Variants in HECW2 observed in about 807,000 individuals in gnomAD.
HECW2 encodes the protein HECT, C2 and WW domain containing E3 ubiquitin protein ligase 2.
HECW2 carries 61 observed loss-of-function variants against 175.2 expected under a neutral mutation model. The ratio of observed to expected loss-of-function variants is 0.35; its 90% confidence interval spans 0.28 to 0.43. The LOEUF (loss-of-function observed/expected upper bound fraction) is 0.43, where lower values mean the gene tolerates loss of function less well. HECW2 is among the 20% of genes least tolerant of loss of function. The probability of loss-of-function intolerance (pLI) is 1.00; values close to 1 mark genes in which losing one functional copy is unlikely to be tolerated. For missense variants in HECW2, 1,524 were observed against 2,000.5 expected, an observed-to-expected ratio of 0.76 and a Z score of 4.54; for synonymous variants, 671 against 731.0, an observed-to-expected ratio of 0.92 and a Z score of 1.32.
At chr2:196,386,680 T>C (rs11902400) in intron 2 of HECW2, among the ~76,000 whole-genome samples, 9,441 of 152,242 alleles carry the variant, frequency 0.062, 449 homozygotes, top group African/African-American at 0.12. Flanking sequence ...ATCTCCTTCC[T>C]AGGCAATGAT....
At chr2:196,327,395 A>G (rs1367861487) in intron 5 of HECW2, among the ~76,000 whole-genome samples, 1 of 152,182 alleles carries the variant, frequency 6.6e-6, no homozygotes, top group Non-Finnish European at 1.5e-5. Flanking sequence ...TACATATGCT[A>G]TTGCTCACAA....
chr2:196,267,771 C>G (rs906276257), intron 17 of HECW2, among the ~76,000 whole-genome samples: 3 of 152,116 alleles, frequency 2.0e-5, no homozygotes, highest in African/African-American at 7.2e-5. Flanking sequence ...GAATCACAAG[C>G]AAACCAAGAA....
chr2:196,359,246 G>T (rs10203678), intron 2 of HECW2, among the ~76,000 whole-genome samples: 1 of 151,988 alleles, frequency 6.6e-6, no homozygotes, highest in East Asian at 1.9e-4. Context: ...TCAGGAGATC[G>T]ATACCATCCT....
intron 1 of HECW2, among the ~76,000 whole-genome samples, chr2:196,450,727 C>T (rs112591966): frequency 0.085 from 12,933 of 151,956 alleles, 627 homozygotes; most frequent in South Asian, 0.17. Context: ...GTGATCCACC[C>T]GCCTCAGCCT....
intron 1 of HECW2, among the ~76,000 whole-genome samples, chr2:196,542,534 C>T (rs953164754): frequency 1.3e-5 from 2 of 151,900 alleles, no homozygotes; most frequent in Non-Finnish European, 2.9e-5. Context: ...GTAACATATG[C>T]ACATGGTACA....
rs141457349 is a variant in HECW2 at position 196,221,905 on chromosome 2, A to G, written c.4146+306T>C. Among the ~76,000 whole-genome samples, 358 of 152,318 alleles carry G rather than the reference A, an allele frequency of 2.4e-3. 1 individual carries two copies. Among genetic ancestry groups the G allele is most frequent in the African/African-American group, 8.1e-3 (335 of 41,576 alleles). Reference sequence around the variant, plus strand: ...TAAAAAATTCTGTAGTGTGGACTTTAAAAAACTGCATTCTATATAAGGTAA... The same window carrying G: ...TAAAAAATTCTGTAGTGTGGACTTTGAAAAACTGCATTCTATATAAGGTAA... On this transcript the variant is annotated intron_variant, in intron 24 of 28. Transcript: ENST00000644978.
chr2:196,537,930 T>C (rs1424875617), intron 1 of HECW2, among the ~76,000 whole-genome samples: 2 of 152,182 alleles, frequency 1.3e-5, no homozygotes, highest in Admixed American at 1.3e-4. Flanking sequence ...ACTCTGTCTG[T>C]GGAGTAGCTG....
Position 196,513,747 on chromosome 2 carries a change from C to T in HECW2, c.-36+79761G>A, listed in dbSNP as rs961239639. Among the ~76,000 whole-genome samples the T allele has an allele frequency of 2.6e-5, 4 of 152,188 alleles. 1 individual carries two copies. The highest frequency in any genetic ancestry group is 3.8e-4 in the East Asian group (2 of 5,200). On this transcript the variant is annotated intron_variant, in intron 1 of 28. Coordinates refer to ENST00000644978, the MANE Select transcript of HECW2 (RefSeq NM_001348768.2). Reference sequence around the variant, plus strand: ...ATAAGTCACATGTGAAGAGACAGAGCGGATAAAAGGGATCATCCACACCAG... The same window carrying T: ...ATAAGTCACATGTGAAGAGACAGAGTGGATAAAAGGGATCATCCACACCAG...
At chr2:196,372,826 C>T (rs1258542519) in intron 2 of HECW2, among the ~76,000 whole-genome samples, 2 of 152,156 alleles carry the variant, frequency 1.3e-5, no homozygotes, top group Non-Finnish European at 2.9e-5. Flanking sequence ...TGACTAAGAA[C>T]TCTCTGACAG....
intron 13 of HECW2, among the ~76,000 whole-genome samples, chr2:196,301,431 T>G (rs1420192507): frequency 6.6e-6 from 1 of 152,218 alleles, no homozygotes; most frequent in South Asian, 2.1e-4. Flanking sequence ...TTTCTGGTTC[T>G]AGATCTTTAG....
intron 2 of HECW2, among the ~76,000 whole-genome samples, chr2:196,428,014 G>C (rs1695598207): frequency 6.6e-6 from 1 of 152,090 alleles, no homozygotes; most frequent in African/African-American, 2.4e-5. Flanking sequence ...AAGTCATCTG[G>C]AGTGAGTTGT....
chr2:196,485,868 A>T (rs759237261), intron 1 of HECW2, among the ~76,000 whole-genome samples: 6 of 152,198 alleles, frequency 3.9e-5, no homozygotes, highest in Non-Finnish European at 5.9e-5. Flanking sequence ...TTAGAAAAAT[A>T]AAATGGAGAC....
At chr2:196,398,042 G>A (rs1459981148) in intron 2 of HECW2, among the ~76,000 whole-genome samples, 1 of 151,624 alleles carries the variant, frequency 6.6e-6, no homozygotes, top group Admixed American at 6.6e-5. Flanking sequence ...GGTGGTTTCA[G>A]GCAAGCAAAG....
At chr2:196,559,402 G>A (rs913247235) in intron 1 of HECW2, among the ~76,000 whole-genome samples, 1 of 152,148 alleles carries the variant, frequency 6.6e-6, no homozygotes, top group African/African-American at 2.4e-5. Flanking sequence ...ATATAAGTAA[G>A]ACATCTAAGA....
intron 10 of HECW2, among the ~76,000 whole-genome samples, chr2:196,310,650 A>G (rs1365070713): frequency 6.6e-6 from 1 of 152,240 alleles, no homozygotes; most frequent in Non-Finnish European, 1.5e-5. Context: ...CAGATAGACA[A>G]TGCTAAAATG....
intron 1 of HECW2, among the ~76,000 whole-genome samples, chr2:196,504,903 G>T (rs1687703928): frequency 6.6e-6 from 1 of 151,950 alleles, no homozygotes; most frequent in East Asian, 1.9e-4. Flanking sequence ...AAAAATGAGT[G>T]CAGAGAGATT....
chr2:196,225,475 G>C (rs1687818785), intron 23 of HECW2, among the ~76,000 whole-genome samples: 2 of 152,142 alleles, frequency 1.3e-5, no homozygotes, highest in African/African-American at 2.4e-5. Flanking sequence ...AGGAATCCCA[G>C]GGCTGTGTTT....
In HECW2 at chr2:196,319,186, A is replaced by G; in HGVS notation, c.1704T>C (p.Cys568=). 1.3e-6 allele frequency: 2 copies of G among 1,596,606 alleles called. No individual in the cohort carries two copies. The highest frequency in any genetic ancestry group is 1.7e-6 in the Non-Finnish European group (2 of 1,170,470). Residue 568 remains cysteine, a synonymous_variant, in exon 9 of 29, where the codon TGT becomes TGC. Coordinates refer to ENST00000644978, the MANE Select transcript of HECW2 (RefSeq NM_001348768.2). ...TGGGCTGATCTACCTCTTGAGAGCC[A>G]CACAGTTCAGCACTGCCCTGGTCAG... ...PSADQGSAEL[C]GSQEVDQPTS...
intron 23 of HECW2, among the ~76,000 whole-genome samples, chr2:196,224,381 T>C (rs553870513): frequency 6.6e-6 from 1 of 151,950 alleles, no homozygotes; most frequent in South Asian, 2.1e-4. Flanking sequence ...GAGTACAGAT[T>C]TGGGAGTCAG....
Sources: gnomAD v4.1 joint callset for allele counts (sites outside exome capture counted in the v4.1 genomes callset) on GRCh38, gnomAD v4.1.1 for gene constraint, MANE v1.5 for transcripts, NCBI Gene and HGNC (gene_info 2026-07-23, HGNC 2026-07-21) for gene names.